The following PCBP3 variants were observed in gnomAD, a reference collection of about 807,000 sequenced individuals.
The protein encoded by PCBP3 is poly(rC) binding protein 3.
Under a neutral mutation model 52.7 loss-of-function variants are expected in PCBP3, and 25 were observed. The ratio of observed to expected loss-of-function variants is 0.47; its 90% CI spans 0.35 to 0.66. PCBP3 has a LOEUF of 0.66. Among genes scored for constraint, PCBP3 ranks in the 30% least tolerant of loss-of-function variants. The pLI is 0.01. For synonymous variants in PCBP3, 162 were observed against 183.0 expected (o/e 0.89, Z 0.93); for missense variants, 391 against 490.3 (o/e 0.80, Z 1.91).
intron 2 of PCBP3, among the ~76,000 whole-genome samples, chr21:45,694,422 T>G (rs1421612182): frequency 6.6e-6 from 1 of 152,134 alleles, no homozygotes; most frequent in East Asian, 1.9e-4. Context: ...TGGAATAACT[T>G]TATTACTGTA....
rs1313436644 is a variant in PCBP3 at position 45,928,339 on chromosome 21, C to G, written c.718-1578C>G. ...GCAGATGCCACAATGCCCTGCCCCCCAGCCCAGACCTGGCTGCAAGGCCAG... is the reference window on the plus strand; with the variant it reads ...GCAGATGCCACAATGCCCTGCCCCCGAGCCCAGACCTGGCTGCAAGGCCAG... On this transcript the variant is annotated intron_variant, in intron 13 of 17. Coordinates refer to ENST00000681687, the MANE Select transcript of PCBP3 (RefSeq NM_001384156.1). This position sits in a 1 kb window ranked among gnomAD's most constrained non-coding sequence, Gnocchi z 4.1. Among the ~76,000 whole-genome samples the G allele has an allele frequency of 6.6e-6, 1 of 152,224 alleles. No homozygotes were observed. The highest frequency in any genetic ancestry group is 1.5e-5 in the Non-Finnish European group (1 of 68,028).
chr21:45,738,815 TG>T (rs1221699363), intron 3 of PCBP3, among the ~76,000 whole-genome samples: 10 of 137,718 alleles, frequency 7.3e-5, no homozygotes, highest in African/African-American at 2.8e-4. Flanking sequence ...GTCCTCTGGG[TG>T]GCTCCCCCAT....
Position 45,688,483 on chromosome 21 carries a change from C to T in PCBP3, c.-200+19531C>T, listed in dbSNP as rs190958412. Among the ~76,000 whole-genome samples the T allele has an allele frequency of 1.4e-3, 207 of 152,056 alleles. 2 individuals are homozygous for T. The highest frequency in any genetic ancestry group is 4.4e-3 in the African/African-American group (182 of 41,480). On this transcript the variant is annotated intron_variant, in intron 2 of 17. Transcript: ENST00000681687. ...TGAGATACAGCTAAGGCAGTGGTTA[C>T]GTAGAAGTGTACAGATGTCAGTGCT... is the stretch of plus-strand genomic sequence containing the variant.
intron 2 of PCBP3, among the ~76,000 whole-genome samples, chr21:45,726,923 C>T (rs2085090216): frequency 2.0e-5 from 3 of 152,130 alleles, no homozygotes; most frequent in South Asian, 4.1e-4. Context: ...ATTCTGGATA[C>T]AGTCTTTTAT....
At chr21:45,784,705 C>T (rs181421186) in intron 4 of PCBP3, among the ~76,000 whole-genome samples, 7,970 of 152,314 alleles carry the variant, frequency 0.052, 284 homozygotes, top group Non-Finnish European at 0.081. Context: ...GCGAGTGATC[C>T]GCCAGCCTCG....
rs181374055 is a variant in PCBP3 at position 45,764,417 on chromosome 21, C to T, written c.-126+8965C>T. On this transcript the variant is annotated intron_variant, in intron 4 of 17. Transcript: ENST00000681687. ...GATTACAGGCGTGAGCCACCGTGGT[C>T]GGCCAGTAATACAAAGTTTCTTGAA... Among the ~76,000 whole-genome samples the T allele has an allele frequency of 3.0e-3, 458 of 152,350 alleles. 1 individual carries two copies. Among genetic ancestry groups the T allele is most frequent in the African/African-American group, 1.0e-2 (415 of 41,586 alleles).
chr21:45,794,731 C>T (rs890404513), intron 4 of PCBP3, among the ~76,000 whole-genome samples: 1 of 152,134 alleles, frequency 6.6e-6, no homozygotes, highest in Admixed American at 6.5e-5. Context: ...AGTTCGAGAC[C>T]AGCCTGGCTA....
In PCBP3 at chr21:45,805,764, C is replaced by A. The variant is rs570540257; in HGVS notation, c.-125-44197C>A. ...TGTGGTGGTAAAGGTGACATCCCCTCCTAGCAGCTGCACACTGGAGTGGTC... is the reference window on the plus strand; with the variant it reads ...TGTGGTGGTAAAGGTGACATCCCCTACTAGCAGCTGCACACTGGAGTGGTC... On this transcript the variant is annotated intron_variant, in intron 4 of 17. Coordinates refer to ENST00000681687, the MANE Select transcript of PCBP3 (RefSeq NM_001384156.1). The surrounding 1 kb of genome is among the most constrained non-coding windows in gnomAD (Gnocchi z 4.6). Among the ~76,000 whole-genome samples, 7 of 152,264 alleles carry A rather than the reference C, an allele frequency of 4.6e-5. No homozygotes were observed. In the South Asian group the frequency reaches 1.5e-3, roughly 32 times the overall value.
chr21:45,734,185 TTG>T (rs1203137857), intron 2 of PCBP3, among the ~76,000 whole-genome samples: 1 of 152,206 alleles, frequency 6.6e-6, no homozygotes, highest in Non-Finnish European at 1.5e-5. Context: ...GTGCAGTCAT[TTG>T]AGTGCTCAGT....
chr21:45,891,226 C>T (rs2095655280), intron 5 of PCBP3, among the ~76,000 whole-genome samples: 1 of 152,210 alleles, frequency 6.6e-6, no homozygotes, highest in Admixed American at 6.5e-5. Context: ...GCTGCTTCCG[C>T]AGGATCCAAC....
At chr21:45,663,786 T>C (rs753445236) in intron 1 of PCBP3, among the ~76,000 whole-genome samples, 6 of 152,156 alleles carry the variant, frequency 3.9e-5, no homozygotes, top group Non-Finnish European at 7.3e-5. Flanking sequence ...AGCCTTGTAG[T>C]ATAATTTGAA....
At chr21:45,770,054 C>T (rs1439913408) in intron 4 of PCBP3, among the ~76,000 whole-genome samples, 3 of 152,180 alleles carry the variant, frequency 2.0e-5, no homozygotes, top group Non-Finnish European at 4.4e-5. Flanking sequence ...ACATGGTGAA[C>T]GCCGGGGGGT....
intron 3 of PCBP3, among the ~76,000 whole-genome samples, chr21:45,753,999 T>C (rs1372144562): frequency 6.6e-6 from 1 of 152,248 alleles, no homozygotes; most frequent in Non-Finnish European, 1.5e-5. Flanking sequence ...GTGGTGAGAA[T>C]GTGGGTAAAA....
chr21:45,842,654 T>C (rs529517932), intron 4 of PCBP3, among the ~76,000 whole-genome samples: 37 of 152,368 alleles, frequency 2.4e-4, no homozygotes, highest in African/African-American at 8.4e-4. Flanking sequence ...TATGATAGTC[T>C]GAATCTTACA....
chr21:45,895,493 T>G (rs1375846638), intron 5 of PCBP3, among the ~76,000 whole-genome samples: 2 of 152,222 alleles, frequency 1.3e-5, no homozygotes, highest in African/African-American at 4.8e-5. Flanking sequence ...TCACCCTGAC[T>G]GTTGCACGAG....
intron 17 of PCBP3, 32 bp downstream of exon 17, chr21:45,940,231 C>T (rs1603578984): frequency 1.9e-6 from 3 of 1,581,294 alleles, no homozygotes; most frequent in Admixed American, 1.8e-5. Flanking sequence ...CTGAGAGACG[C>T]CCGGAAAGGG....
intron 4 of PCBP3, among the ~76,000 whole-genome samples, chr21:45,815,814 G>A (rs1373730535): frequency 8.8e-6 from 1 of 114,022 alleles, no homozygotes; most frequent in Non-Finnish European, 1.8e-5. Context: ...TGAGTGGTGA[G>A]TGAGTGGTGA....
intron 5 of PCBP3, among the ~76,000 whole-genome samples, chr21:45,892,473 G>A (rs2065335): frequency 2.2e-4 from 10 of 45,132 alleles, no homozygotes; most frequent in African/African-American, 1.2e-3. Flanking sequence ...CGGGGCGTGG[G>A]GGGGGGGGCG....
Position 45,911,462 on chromosome 21 carries a change from C to T in PCBP3, c.600+432C>T, listed in dbSNP as rs564214156. 1.2e-4 allele frequency among the ~76,000 whole-genome samples: 18 copies of T among 152,128 alleles called. No homozygotes were observed. In the East Asian group the frequency reaches 3.3e-3, roughly 28 times the overall value. On this transcript the variant is annotated intron_variant, in intron 11 of 17. Transcript: ENST00000681687. ...GCGCATGCAGTTCTGCAGAAGGAGGCGTCAAACCACCGTGGAGGAACAGAG... is the reference window on the plus strand; with the variant it reads ...GCGCATGCAGTTCTGCAGAAGGAGGTGTCAAACCACCGTGGAGGAACAGAG...
Sources: allele counts gnomAD v4.1 joint callset (sites outside exome capture counted in the v4.1 genomes callset), GRCh38; gene constraint gnomAD v4.1.1; non-coding constraint Gnocchi (gnomAD v3.1); transcripts MANE v1.5; gene names NCBI Gene and HGNC (gene_info 2026-07-23, HGNC 2026-07-21).